Variants in ADD3 observed in about 807,000 individuals in gnomAD.
The protein encoded by ADD3 is gamma-adducin.
ADD3 carries 25 observed loss-of-function variants against 80.2 expected under a neutral mutation model. The observed-to-expected ratio is 0.31, with a 90% CI of 0.23 to 0.44. ADD3 has a LOEUF of 0.44. Ranked by LOEUF, ADD3 falls within the 20% of genes least tolerant of loss-of-function variation. The pLI is 1.00. For missense variants in ADD3, 829 were observed against 847.5 expected (o/e 0.98, Z 0.27); for synonymous variants, 284 against 289.6 (o/e 0.98, Z 0.20).
intron 2 of ADD3, among the ~76,000 whole-genome samples, chr10:110,102,393 G>A (rs1848917037): frequency 6.6e-6 from 1 of 152,142 alleles, no homozygotes; most frequent in African/African-American, 2.4e-5. Flanking sequence ...AGGATTGCTT[G>A]AGCCTAGGAG....
intron 1 of ADD3, among the ~76,000 whole-genome samples, chr10:110,031,472 A>G (rs1855019896): frequency 1.3e-5 from 2 of 152,202 alleles, no homozygotes; most frequent in African/African-American, 2.4e-5. Flanking sequence ...AGTAGGTGGC[A>G]GAATGGAATT....
At chr10:110,131,419 G>GT (rs1362338791) in intron 13 of ADD3, among the ~76,000 whole-genome samples, 1 of 152,170 alleles carries the variant, frequency 6.6e-6, no homozygotes, top group African/African-American at 2.4e-5. Flanking sequence ...GGAGGGAAGG[G>GT]TTCAGGGTCA....
intron 1 of ADD3, among the ~76,000 whole-genome samples, chr10:110,050,526 TTC>T (rs1857398327): frequency 7.0e-6 from 1 of 143,802 alleles, no homozygotes; most frequent in Admixed American, 6.7e-5. Flanking sequence ...TTTTTTTTTT[TTC>T]CTGAAGCGGA....
At chr10:110,123,719 C>A in intron 9 of ADD3, 1 of 262,128 alleles carries the variant, frequency 3.8e-6, no homozygotes, top group South Asian at 7.4e-5. Flanking sequence ...TTCCCCAGAA[C>A]AGTTTTATAG....
At chr10:110,014,135 G>T (rs969642990) in intron 1 of ADD3, among the ~76,000 whole-genome samples, 1 of 152,164 alleles carries the variant, frequency 6.6e-6, no homozygotes, top group African/African-American at 2.4e-5. Flanking sequence ...TATATCTAAG[G>T]AAGTAAATTT....
intron 6 of ADD3, 101 bp from the exon 7 acceptor site, chr10:110,119,110 G>A (rs1381350315): frequency 1.5e-6 from 2 of 1,295,014 alleles, no homozygotes; most frequent in East Asian, 4.7e-5. Context: ...GAAACACAGT[G>A]AATAGGCCAG....
At position 110,027,640 on chromosome 10, in the gene ADD3, G is replaced by A. The variant is rs971960529; in HGVS notation, c.-30+19341G>A. Among the ~76,000 whole-genome samples, 9 of 152,230 alleles carry A rather than the reference G, an allele frequency of 5.9e-5. 1 individual carries two copies. In the South Asian group the frequency reaches 1.7e-3, roughly 28 times the overall value. On this transcript the variant is annotated intron_variant, in intron 1 of 14. Transcript: ENST00000356080. ...CATGTGACTAGTGGCTATCAAATTG[G>A]ATAGCATATCCCTGGAACATCTTTC...
chr10:110,119,950 A>G (rs2134127667), intron 8 of ADD3, among the ~76,000 whole-genome samples: 1 of 152,362 alleles, frequency 6.6e-6, no homozygotes, highest in East Asian at 1.9e-4. Context: ...TCCAGAAGTT[A>G]TATGAAATTG....
chr10:110,128,923 A>G (rs539928264), intron 12 of ADD3, among the ~76,000 whole-genome samples: 3 of 152,146 alleles, frequency 2.0e-5, no homozygotes, highest in Admixed American at 6.5e-5. Context: ...AGCTCTGGGT[A>G]TACACAGAGC....
At chr10:110,078,229 G>GT (rs5787834) in intron 1 of ADD3, among the ~76,000 whole-genome samples, 18,867 of 152,122 alleles carry the variant, frequency 0.12, 3,743 homozygotes, top group African/African-American at 0.42. Context: ...TCAAGAGACT[G>GT]TTTTACCTCT....
intron 1 of ADD3, among the ~76,000 whole-genome samples, chr10:110,071,968 TC>T (rs1645864001): frequency 1.3e-5 from 2 of 152,254 alleles, no homozygotes; most frequent in African/African-American, 4.8e-5. Context: ...CTATAATTCT[TC>T]CTTTTTAAAT....
chr10:110,038,090 A>G (rs1855880884), intron 1 of ADD3, among the ~76,000 whole-genome samples: 1 of 151,710 alleles, frequency 6.6e-6, no homozygotes, highest in African/African-American at 2.4e-5. Context: ...AAAAAAAAAA[A>G]AAAGATATTT....
chr10:110,077,058 A>T (rs954819713), intron 1 of ADD3: 1 of 152,260 alleles, frequency 6.6e-6, no homozygotes. Context: ...TTAGGGCAGT[A>T]TTGCAACAGA....
At chr10:110,070,551 T>C (rs942092104) in intron 1 of ADD3, among the ~76,000 whole-genome samples, 1 of 152,224 alleles carries the variant, frequency 6.6e-6, no homozygotes, top group Non-Finnish European at 1.5e-5. Context: ...GGGAGCAGTA[T>C]GTATGATTCT....
At chr10:110,106,233 G>A (rs1849382536) in intron 2 of ADD3, among the ~76,000 whole-genome samples, 1 of 150,128 alleles carries the variant, frequency 6.7e-6, no homozygotes, top group Admixed American at 6.6e-5. Flanking sequence ...CATCTCTGAT[G>A]TCTCCTATAT....
At chr10:110,080,553 A>T (rs1845950505) in intron 1 of ADD3, among the ~76,000 whole-genome samples, 1 of 152,248 alleles carries the variant, frequency 6.6e-6, no homozygotes, top group Non-Finnish European at 1.5e-5. Flanking sequence ...CTCAAAAGTC[A>T]ATTTCAAAAG....
intron 1 of ADD3, among the ~76,000 whole-genome samples, chr10:110,027,313 G>A (rs1854428604): frequency 6.6e-6 from 1 of 152,134 alleles, no homozygotes; most frequent in Non-Finnish European, 1.5e-5. Flanking sequence ...TACAGGTTGA[G>A]TAGCTAGAAC....
intron 1 of ADD3, among the ~76,000 whole-genome samples, chr10:110,062,135 G>T (rs1374257257): frequency 6.8e-6 from 1 of 146,356 alleles, no homozygotes; most frequent in African/African-American, 2.5e-5. Flanking sequence ...GGCCGAGGCA[G>T]GCGTATCACC....
At chr10:110,070,157 A>G (rs1409968797) in intron 1 of ADD3, among the ~76,000 whole-genome samples, 2 of 152,138 alleles carry the variant, frequency 1.3e-5, no homozygotes, top group African/African-American at 4.8e-5. Flanking sequence ...AACCTTTCAA[A>G]TAGGCTCCTT....
Sources: gnomAD v4.1 joint callset for allele counts (sites outside exome capture counted in the v4.1 genomes callset) on GRCh38, gnomAD v4.1.1 for gene constraint, MANE v1.5 for transcripts, NCBI Gene and HGNC (gene_info 2026-07-23, HGNC 2026-07-21) for gene names.